The following MYO1H variants were observed in gnomAD, a reference collection of about 807,000 sequenced individuals.
MYO1H encodes the protein myosin IH, also known as unconventional myosin-Ih.
In MYO1H, 118 loss-of-function variants were observed where a neutral mutation model predicts 149.3. That is an observed-to-expected ratio of 0.79 (90% CI 0.68 to 0.92). MYO1H has a LOEUF of 0.92. Ranked by LOEUF, MYO1H falls within the 40% of genes least tolerant of loss-of-function variation. The pLI is 0.00. For synonymous variants in MYO1H, 447 were observed against 465.2 expected, an observed-to-expected ratio of 0.96 and a Z score of 0.50; for missense variants, 1,212 against 1,280.7, an observed-to-expected ratio of 0.95 and a Z score of 0.82.
At chr12:109,391,234 C>T (rs568023184) in intron 2 of MYO1H, among the ~76,000 whole-genome samples, 3 of 152,028 alleles carry the variant, frequency 2.0e-5, no homozygotes, top group African/African-American at 4.8e-5. Context: ...CTCTGTCCCC[C>T]GCAACAAGCC....
rs183812576 is a variant in MYO1H, at chr12:109,447,740, T to G, written c.*558T>G. The G allele has an allele frequency of 1.3e-4, 20 of 157,714 alleles. No individual in the cohort carries two copies. In the East Asian group the frequency reaches 3.5e-3, roughly 28 times the overall value. The allele number at this position is 157,714 out of a possible 1,614,324, so 9.8% of individuals were successfully genotyped here. On this transcript the variant is annotated 3_prime_UTR_variant, in exon 32 of 32. Transcript: ENST00000310903. ...TCTATGCGGTCCCAGTCTGAGTGAG[T>G]GTGGGTGCGTGAGCCCCGTGAGAGG...
chr12:109,350,136 G>A lies in MYO1H; in HGVS notation c.12+2164G>A, dbSNP rs150126137. Among the ~76,000 whole-genome samples the A allele has an allele frequency of 1.9e-4, 29 of 152,156 alleles. No individual in the cohort carries two copies. In the East Asian group the frequency reaches 3.1e-3, roughly 16 times the overall value. On this transcript the variant is annotated intron_variant, in intron 1 of 31. Coordinates refer to ENST00000310903, the Ensembl canonical transcript of MYO1H. ...TTTTAGCGAGCATTTGCTTCGTGCC[G>A]TTGATTGTCATTGTCCACATGGTAG...
chr12:109,387,405 G>C (rs1203593342), intron 1 of MYO1H, among the ~76,000 whole-genome samples: 1 of 152,176 alleles, frequency 6.6e-6, no homozygotes, highest in Non-Finnish European at 1.5e-5. Flanking sequence ...ATTTGGCTAT[G>C]CTAGGACCTT....
chr12:109,434,401 C>T (rs984016246), intron 20 of MYO1H, among the ~76,000 whole-genome samples: 4 of 152,074 alleles, frequency 2.6e-5, no homozygotes, highest in Admixed American at 6.6e-5. Context: ...GTCTGAGGCA[C>T]GAGAATCATT....
At chr12:109,446,128 T>C in intron 31 of MYO1H, 2 of 985,462 alleles carry the variant, frequency 2.0e-6, no homozygotes, top group Non-Finnish European at 2.4e-6. Context: ...TGTCAAAGGC[T>C]GCCCATGTTA....
At chr12:109,386,442 C>T (rs1249092381) in intron 1 of MYO1H, among the ~76,000 whole-genome samples, 1 of 152,180 alleles carries the variant, frequency 6.6e-6, no homozygotes, top group Non-Finnish European at 1.5e-5. Context: ...ATCTTTTTCC[C>T]AAAGTGATTC....
the MYO1H span, among the ~76,000 whole-genome samples, chr12:109,318,972 GTTTTTTT>G: frequency 2.6e-5 from 2 of 77,258 alleles, no homozygotes; most frequent in African/African-American, 9.4e-5. Flanking sequence ...TTTTGGTTTT[GTTTTTTT>G]TTTTTTTTTT....
chr12:109,432,145 G>C (rs1042908535), intron 19 of MYO1H, among the ~76,000 whole-genome samples: 1 of 151,818 alleles, frequency 6.6e-6, no homozygotes, highest in African/African-American at 2.4e-5. Context: ...GGGACTACAG[G>C]TGCCCGCCAC....
intron 14 of MYO1H, 29 bp downstream of exon 14, chr12:109,412,014 A>C (rs1052989631): frequency 6.9e-7 from 1 of 1,452,400 alleles, no homozygotes; most frequent in Non-Finnish European, 9.4e-7. Context: ...CAGATTTTGC[A>C]TGGGGGAAGA....
chr12:109,410,760 T>C (rs1566032401), exon 13 of MYO1H: 1 of 1,578,344 alleles, frequency 6.3e-7, no homozygotes, highest in African/African-American at 1.3e-5. Flanking sequence ...AGGAATCATA[T>C]CTATTCTGGT....
chr12:109,445,753 T>A (rs1473559060), intron 31 of MYO1H, 141 bp downstream of exon 31: 18 of 1,363,444 alleles, frequency 1.3e-5, no homozygotes, highest in Admixed American at 3.4e-5. Context: ...TAATTCTACA[T>A]CTGTAAGACA....
chr12:109,425,838 C>A, intron 17 of MYO1H, 108 bp from the exon 18 acceptor site: 1 of 790,766 alleles, frequency 1.3e-6, no homozygotes, highest in Non-Finnish European at 2.1e-6. Flanking sequence ...GTCAATAGTT[C>A]AGCTCTATAG....
the MYO1H span, among the ~76,000 whole-genome samples, chr12:109,333,923 G>T: frequency 6.6e-6 from 1 of 151,570 alleles, no homozygotes; most frequent in African/African-American, 2.4e-5. Context: ...ATTTTATTTA[G>T]TTAGTTTGTT....
intron 1 of MYO1H, among the ~76,000 whole-genome samples, chr12:109,375,266 C>T (rs1422247544): frequency 2.0e-5 from 3 of 151,902 alleles, no homozygotes; most frequent in African/African-American, 4.8e-5. Context: ...CACCCTCCCA[C>T]CTCAGCCTCC....
chr12:109,320,631 A>G, the MYO1H span, among the ~76,000 whole-genome samples: 1 of 149,268 alleles, frequency 6.7e-6, no homozygotes. Context: ...CTCAAAAAAA[A>G]AAAAAAAAAA....
the MYO1H span, among the ~76,000 whole-genome samples, chr12:109,338,427 G>A: frequency 7.6e-4 from 115 of 152,194 alleles, no homozygotes; most frequent in Non-Finnish European, 1.1e-3. Flanking sequence ...TCTCTCCAAG[G>A]TCACATTTCC....
At chr12:109,418,618 G>C (rs7967774) in intron 15 of MYO1H, among the ~76,000 whole-genome samples, 32 of 152,062 alleles carry the variant, frequency 2.1e-4, no homozygotes, top group Non-Finnish European at 3.4e-4. Flanking sequence ...GCAAGATCTC[G>C]GCTCACTGCA....
At chr12:109,395,042 G>A (rs1869830655) in intron 3 of MYO1H, among the ~76,000 whole-genome samples, 1 of 152,200 alleles carries the variant, frequency 6.6e-6, no homozygotes, top group South Asian at 2.1e-4. Context: ...GGATTACAGG[G>A]TGTGAGCCAC....
chr12:109,313,908 G>T, the MYO1H span, among the ~76,000 whole-genome samples: 1 of 151,922 alleles, frequency 6.6e-6, no homozygotes, highest in Non-Finnish European at 1.5e-5. Flanking sequence ...TTTTTAGACG[G>T]AGTTTCGCTC....
Sources: allele counts gnomAD v4.1 joint callset (sites outside exome capture counted in the v4.1 genomes callset), GRCh38; gene constraint gnomAD v4.1.1; transcripts MANE v1.5; gene names NCBI Gene and HGNC (gene_info 2026-07-23, HGNC 2026-07-21).